The following FAM76B variants were observed in gnomAD, a reference collection of about 807,000 sequenced individuals.
FAM76B encodes the protein protein FAM76B.
FAM76B carries 16 observed loss-of-function variants against 51.8 expected under a neutral mutation model. That is an observed-to-expected ratio of 0.31 (90% confidence interval 0.21 to 0.47). The LOEUF (loss-of-function observed/expected upper bound fraction) is 0.47, where lower values mean the gene tolerates loss of function less well. Among genes scored for constraint, FAM76B ranks in the 20% least tolerant of loss-of-function variants. The pLI is 1.00. For synonymous variants in FAM76B, 166 were observed against 129.5 expected, an observed-to-expected ratio of 1.28 and a Z score of -1.91; for missense variants, 342 against 392.6, an observed-to-expected ratio of 0.87 and a Z score of 1.09.
chr11:95,784,669 G>A (rs1219226158), intron 4 of FAM76B, among the ~76,000 whole-genome samples: 2 of 150,840 alleles, frequency 1.3e-5, no homozygotes, highest in Non-Finnish European at 3.0e-5. Context: ...CTCACTGCAA[G>A]CTCCGCCTCC....
At chr11:95,784,571 T>C (rs558278518) in intron 4 of FAM76B, among the ~76,000 whole-genome samples, 41 of 148,054 alleles carry the variant, frequency 2.8e-4, no homozygotes, top group Admixed American at 6.0e-4. Context: ...TGTGTATATA[T>C]ACACACACAC....
intron 8 of FAM76B, among the ~76,000 whole-genome samples, chr11:95,776,513 A>T (rs900507305): frequency 6.6e-6 from 1 of 151,468 alleles, no homozygotes; most frequent in Admixed American, 6.6e-5. Context: ...TTCATTTTTT[A>T]ATTTATGTCC....
intron 1 of FAM76B, chr11:95,788,923 T>C (rs1028739879): frequency 1.1e-5 from 15 of 1,349,470 alleles, no homozygotes; most frequent in Non-Finnish European, 1.5e-5. Flanking sequence ...GAGCATTCTG[T>C]TCCCAAACCA....
chr11:95,782,688 A>C (rs1296929167), intron 5 of FAM76B, among the ~76,000 whole-genome samples: 1 of 152,176 alleles, frequency 6.6e-6, no homozygotes, highest in Non-Finnish European at 1.5e-5. Flanking sequence ...ATTTGTTTTT[A>C]CTAAAACAAA....
intron 2 of FAM76B, among the ~76,000 whole-genome samples, 166 bp downstream of exon 2, chr11:95,788,333 C>T (rs553548682): frequency 7.2e-5 from 11 of 151,974 alleles, no homozygotes; most frequent in Non-Finnish European, 1.3e-4. Flanking sequence ...TGGTTTTTTT[C>T]GCAACATTCT....
At position 95,778,074 on chromosome 11, in the gene FAM76B, A is replaced by G. The variant is rs567699031; in HGVS notation, c.828+748T>C. On this transcript the variant is annotated intron_variant, in intron 8 of 9. Transcript: ENST00000358780. Reference sequence around the variant, plus strand: ...ATTTAAATGAGAAAACTGAGGTCCAAAGAAGCACACATTCTGCTTTAGGTC... The same window carrying G: ...ATTTAAATGAGAAAACTGAGGTCCAGAGAAGCACACATTCTGCTTTAGGTC... Among the ~76,000 whole-genome samples, 3 of 151,568 alleles carry G rather than the reference A, an allele frequency of 2.0e-5. No individual in the cohort carries two copies. In the South Asian group the frequency reaches 6.2e-4, roughly 31 times the overall value.
intron 1 of FAM76B, 24 bp downstream of exon 1, chr11:95,789,368 G>T: frequency 6.4e-7 from 1 of 1,571,406 alleles, no homozygotes; most frequent in Non-Finnish European, 8.6e-7. Context: ...CACCCATCCC[G>T]CCCGCCTCCC....
chr11:95,784,120 AGATCATGTCCCTTCCAG>A (rs1249810605), intron 4 of FAM76B, among the ~76,000 whole-genome samples: 6 of 152,200 alleles, frequency 3.9e-5, no homozygotes, highest in Non-Finnish European at 8.8e-5. Flanking sequence ...GACAAGAACA[AGATCATGTCCCTTCCAG>A]GAATATGGAT....
At chr11:95,778,778 T>G in intron 8 of FAM76B, 44 bp downstream of exon 8, 1 of 1,533,462 alleles carries the variant, frequency 6.5e-7, no homozygotes. Flanking sequence ...CAAGCAACAG[T>G]CAACACATAA....
At chr11:95,788,072 A>G (rs1860701188) in intron 2 of FAM76B, among the ~76,000 whole-genome samples, 1 of 152,174 alleles carries the variant, frequency 6.6e-6, no homozygotes, top group Non-Finnish European at 1.5e-5. Context: ...TACTTTCTGT[A>G]TATACTCTCA....
chr11:95,779,108 C>T, intron 7 of FAM76B, 151 bp from the exon 8 acceptor site: 1 of 1,585,924 alleles, frequency 6.3e-7, no homozygotes, highest in African/African-American at 1.3e-5. Context: ...TGGCAAATTA[C>T]CTTACTAATG....
At chr11:95,784,425 C>A (rs1860439346) in intron 4 of FAM76B, among the ~76,000 whole-genome samples, 1 of 151,890 alleles carries the variant, frequency 6.6e-6, no homozygotes, top group Non-Finnish European at 1.5e-5. Context: ...GCACATGTAC[C>A]CCTGAACTTA....
chr11:95,774,876 C>T (rs1027361441), intron 9 of FAM76B, among the ~76,000 whole-genome samples: 10 of 151,228 alleles, frequency 6.6e-5, no homozygotes, highest in African/African-American at 2.4e-4. Flanking sequence ...GGGATTAAGA[C>T]CAGATAATCT....
chr11:95,783,296 C>T (rs1158504734), intron 4 of FAM76B, 32 bp from the exon 5 acceptor site: 1 of 1,593,274 alleles, frequency 6.3e-7, no homozygotes, highest in Non-Finnish European at 8.6e-7. Context: ...TTAAATGTAC[C>T]CATATAAACT....
At chr11:95,783,800 T>C (rs899312318) in intron 4 of FAM76B, among the ~76,000 whole-genome samples, 1 of 152,210 alleles carries the variant, frequency 6.6e-6, no homozygotes, top group African/African-American at 2.4e-5. Flanking sequence ...ACTGCACACA[T>C]ACACAAGAGT....
intron 1 of FAM76B, chr11:95,789,030 G>A: frequency 2.2e-6 from 3 of 1,378,062 alleles, no homozygotes; most frequent in Non-Finnish European, 1.9e-6. Context: ...CTGCCTCCTG[G>A]TGGAAGAAGA....
intron 6 of FAM76B, 94 bp downstream of exon 6, chr11:95,779,785 G>A (rs1392364678): frequency 7.1e-6 from 11 of 1,553,992 alleles, no homozygotes; most frequent in Admixed American, 1.9e-5. Flanking sequence ...TGAAAATACT[G>A]ATTTTGGTAA....
chr11:95,788,922 G>A (rs1195404044), intron 1 of FAM76B: 7 of 1,352,128 alleles, frequency 5.2e-6, no homozygotes, highest in East Asian at 4.4e-5. Flanking sequence ...AGAGCATTCT[G>A]TTCCCAAACC....
At chr11:95,787,816 G>A (rs1037429681) in intron 2 of FAM76B, 138 bp from the exon 3 acceptor site, 2 of 662,332 alleles carry the variant, frequency 3.0e-6, no homozygotes, top group African/African-American at 1.9e-5. Context: ...AATATACAAG[G>A]ATATTTTCAG....
Sources: allele counts gnomAD v4.1 joint callset (sites outside exome capture counted in the v4.1 genomes callset), GRCh38; gene constraint gnomAD v4.1.1; transcripts MANE v1.5; gene names NCBI Gene and HGNC (gene_info 2026-07-23, HGNC 2026-07-21).